Variants in SETBP1 observed in about 807,000 individuals in gnomAD.
SETBP1 encodes SET-binding protein.
In SETBP1, 9 loss-of-function variants were observed where a neutral mutation model predicts 101.0. The observed-to-expected ratio is 0.09, with a 90% CI of 0.05 to 0.16. The LOEUF (loss-of-function observed/expected upper bound fraction) is 0.16. SETBP1 is among the 10% of genes least tolerant of loss of function. The pLI is 1.00. For missense variants in SETBP1, 1,858 were observed against 2,033.8 expected, an observed-to-expected ratio of 0.91 and a Z score of 1.66; for synonymous variants, 818 against 788.5, an observed-to-expected ratio of 1.04 and a Z score of -0.63.
At chr18:44,683,781 G>A (rs548651694) in intron 1 of SETBP1, among the ~76,000 whole-genome samples, 3 of 152,318 alleles carry the variant, frequency 2.0e-5, no homozygotes, top group South Asian at 4.1e-4. Flanking sequence ...GAAAGCTATT[G>A]AAGGCAGATC....
intron 2 of SETBP1, among the ~76,000 whole-genome samples, chr18:44,742,525 A>G (rs1414308360): frequency 6.6e-6 from 1 of 152,262 alleles, no homozygotes; most frequent in African/African-American, 2.4e-5. Flanking sequence ...TTGACCATCC[A>G]GAAGCAGCTA....
intron 4 of SETBP1, among the ~76,000 whole-genome samples, chr18:45,012,931 G>GT (rs1448697462): frequency 6.6e-6 from 1 of 152,200 alleles, no homozygotes; most frequent in Non-Finnish European, 1.5e-5. Flanking sequence ...CCATTACAGA[G>GT]TATAGCCATG....
Position 45,038,631 on chromosome 18 carries a change from G to A in SETBP1, c.4147G>A (p.Ala1383Thr). ...PPAPVLSLLA[A>T]SAATSDAVGS... ...AGCCCCAGTGTTATCTCTCCTTGCT[G>A]CATCTGCAGCAACGTCGGATGCAGG... Residue 1383 changes from alanine to threonine, a missense_variant, in exon 5 of 6, where the codon GCA (alanine) becomes ACA (threonine). Coordinates refer to ENST00000649279, the MANE Select transcript of SETBP1 (RefSeq NM_015559.3). The A allele has an allele frequency of 6.2e-7, 1 of 1,614,178 alleles. No homozygotes were observed. The highest frequency in any genetic ancestry group is 8.5e-7 in the Non-Finnish European group (1 of 1,180,026).
At chr18:44,768,757 A>G (rs1163262191) in intron 2 of SETBP1, among the ~76,000 whole-genome samples, 1 of 152,204 alleles carries the variant, frequency 6.6e-6, no homozygotes, top group African/African-American at 2.4e-5. Flanking sequence ...ATATACGGAG[A>G]TCTGTTTCAC....
At chr18:44,839,030 C>A (rs888631767) in intron 2 of SETBP1, among the ~76,000 whole-genome samples, 2 of 151,690 alleles carry the variant, frequency 1.3e-5, no homozygotes, top group African/African-American at 4.8e-5. Context: ...AAGGATGAGA[C>A]CCTGATGTGA....
chr18:44,764,547 A>G (rs1269448155), intron 2 of SETBP1, among the ~76,000 whole-genome samples: 2 of 151,788 alleles, frequency 1.3e-5, no homozygotes, highest in African/African-American at 4.8e-5. Flanking sequence ...ATCTCGGCTC[A>G]TTGCAAGCTC....
intron 3 of SETBP1, among the ~76,000 whole-genome samples, chr18:44,947,579 T>C (rs2071237910): frequency 6.7e-6 from 1 of 148,604 alleles, no homozygotes; most frequent in South Asian, 2.1e-4. Flanking sequence ...CGATCTCGGC[T>C]CACCACAACC....
At chr18:44,694,136 A>G (rs540966486) in intron 1 of SETBP1, among the ~76,000 whole-genome samples, 2 of 152,340 alleles carry the variant, frequency 1.3e-5, no homozygotes, top group Admixed American at 6.5e-5. Flanking sequence ...GTTTACTCTC[A>G]GTGGTGTTCT....
intron 2 of SETBP1, among the ~76,000 whole-genome samples, chr18:44,832,579 C>T (rs2072398913): frequency 6.6e-6 from 1 of 152,216 alleles, no homozygotes; most frequent in South Asian, 2.1e-4. Context: ...ATTCTTTTCA[C>T]TTAGCATCAG....
At chr18:44,888,517 T>C (rs1321410688) in intron 3 of SETBP1, among the ~76,000 whole-genome samples, 1 of 152,150 alleles carries the variant, frequency 6.6e-6, no homozygotes, top group Non-Finnish European at 1.5e-5. Flanking sequence ...TCCCATTTGG[T>C]GCAAAGCAAA....
intron 2 of SETBP1, among the ~76,000 whole-genome samples, chr18:44,737,852 T>C (rs555134040): frequency 6.6e-6 from 1 of 152,328 alleles, no homozygotes; most frequent in Non-Finnish European, 1.5e-5. Context: ...CCCATCAGCA[T>C]GGGCCAAACT....
At chr18:44,877,327 G>C in intron 3 of SETBP1, 1 of 814,540 alleles carries the variant, frequency 1.2e-6, no homozygotes, top group Non-Finnish European at 1.5e-6. Flanking sequence ...CAAAGTATCT[G>C]GTCCTTCATC....
At chr18:44,684,552 G>A (rs1203870622) in intron 1 of SETBP1, among the ~76,000 whole-genome samples, 4 of 150,148 alleles carry the variant, frequency 2.7e-5, no homozygotes, top group East Asian at 3.9e-4. Flanking sequence ...TAGAAGTTTC[G>A]TAGGTTCAGT....
chr18:44,886,758 T>TTAC (rs1313926325), intron 3 of SETBP1, among the ~76,000 whole-genome samples: 1 of 68,402 alleles, frequency 1.5e-5, no homozygotes, highest in African/African-American at 6.3e-5. Flanking sequence ...GTACATTTTA[T>TTAC]TATTATTATT....
chr18:44,897,298 T>C (rs2069929237), intron 3 of SETBP1, among the ~76,000 whole-genome samples: 1 of 152,136 alleles, frequency 6.6e-6, no homozygotes, highest in Admixed American at 6.5e-5. Context: ...GGCATCCCTA[T>C]GTTTGAGAAA....
chr18:45,027,721 G>A (rs984154855), intron 4 of SETBP1, among the ~76,000 whole-genome samples: 3 of 152,138 alleles, frequency 2.0e-5, no homozygotes, highest in East Asian at 1.9e-4. Flanking sequence ...GTTCTTACAC[G>A]TGCGTTAGTT....
At chr18:44,899,286 A>G (rs1458532477) in intron 3 of SETBP1, among the ~76,000 whole-genome samples, 1 of 152,232 alleles carries the variant, frequency 6.6e-6, no homozygotes, top group Non-Finnish European at 1.5e-5. Context: ...TTTTAAATAA[A>G]TAGTCACATT....
chr18:44,989,685 C>T (rs7236842), intron 4 of SETBP1, among the ~76,000 whole-genome samples: 2,011 of 150,916 alleles, frequency 0.013, 47 homozygotes, highest in African/African-American at 0.046. Context: ...CCGGCTAAAA[C>T]GGTGAAACCC....
intron 2 of SETBP1, among the ~76,000 whole-genome samples, chr18:44,822,804 T>C (rs1466917846): frequency 1.3e-5 from 2 of 152,200 alleles, no homozygotes. Flanking sequence ...CTAGTACACA[T>C]ATACATGTAG....
Sources: allele counts gnomAD v4.1 joint callset (sites outside exome capture counted in the v4.1 genomes callset), GRCh38; gene constraint gnomAD v4.1.1; transcripts MANE v1.5; gene names NCBI Gene and HGNC (gene_info 2026-07-23, HGNC 2026-07-21).